Variants in RASAL2 observed in about 807,000 individuals in gnomAD.
RASAL2 encodes the protein RAS protein activator like 2, also known as ras GTPase-activating protein nGAP.
A neutral mutation model predicts 128.9 loss-of-function variants in RASAL2; 58 were observed. That is an observed-to-expected ratio of 0.45 (90% CI 0.36 to 0.56). The LOEUF is 0.56. Ranked by LOEUF, RASAL2 falls within the 20% of genes least tolerant of loss-of-function variation. The pLI is 0.00. For missense variants in RASAL2, 1,360 were observed against 1,601.6 expected, an observed-to-expected ratio of 0.85 and a Z score of 2.57; for synonymous variants, 561 against 580.8, an observed-to-expected ratio of 0.97 and a Z score of 0.49.
Position 178,458,008 on chromosome 1 carries a change from C to T in RASAL2, c.2716C>T (p.Pro906Ser), listed in dbSNP as rs1291649371. ...CCAAAGTGCACCCCAAGTGAGAAGGCCCCTGCACCCAGCCTTGAACCAGCC... is the reference window on the plus strand; with the variant it reads ...CCAAAGTGCACCCCAAGTGAGAAGGTCCCTGCACCCAGCCTTGAACCAGCC... The part of the protein sequence containing the change: ...TPQSAPQVRR[P>S]LHPALNQPGG... The change falls in exon 14 of 18, where the codon CCC becomes TCC. Residue 906 changes from proline (P) to serine (S), a missense_variant. By Grantham distance (74) the Pro-to-Ser change is moderately conservative (BLOSUM62 -1). Coordinates refer to ENST00000367649, the MANE Select transcript of RASAL2 (RefSeq NM_170692.4). 1.9e-6 allele frequency: 3 copies of T among 1,614,048 alleles called. No homozygotes were observed. Among genetic ancestry groups the T allele is most frequent in the East Asian group, 2.2e-5 (1 of 44,884 alleles).
At chr1:178,242,586 C>T (rs989021796) in intron 1 of RASAL2, among the ~76,000 whole-genome samples, 1 of 151,956 alleles carries the variant, frequency 6.6e-6, no homozygotes, top group Non-Finnish European at 1.5e-5. Context: ...GTGTGAGCCA[C>T]CAATGCCTGG....
intron 5 of RASAL2, among the ~76,000 whole-genome samples, chr1:178,437,061 C>G (rs1398752265): frequency 6.6e-6 from 1 of 152,146 alleles, no homozygotes; most frequent in Non-Finnish European, 1.5e-5. Flanking sequence ...TAGCTTCTTG[C>G]TGCCTTCCAG....
intron 16 of RASAL2, among the ~76,000 whole-genome samples, 177 bp from the exon 17 acceptor site, chr1:178,467,157 C>G (rs1026028455): frequency 6.6e-6 from 1 of 152,044 alleles, no homozygotes; most frequent in Admixed American, 6.6e-5. Flanking sequence ...TGTGTGGGAT[C>G]CAGGCACAAG....
At chr1:178,398,263 G>A (rs1298376414) in intron 4 of RASAL2, among the ~76,000 whole-genome samples, 1 of 152,026 alleles carries the variant, frequency 6.6e-6, no homozygotes, top group Non-Finnish European at 1.5e-5. Context: ...TTAGTTTAAA[G>A]AGAAAAAAGC....
At chr1:178,206,118 A>G (rs1413196259) in intron 1 of RASAL2, among the ~76,000 whole-genome samples, 1 of 151,920 alleles carries the variant, frequency 6.6e-6, no homozygotes, top group African/African-American at 2.4e-5. Context: ...TGCTCTGTGT[A>G]CTCTGTCCTC....
intron 1 of RASAL2, among the ~76,000 whole-genome samples, chr1:178,224,466 G>C (rs1474475112): frequency 3.9e-5 from 6 of 152,018 alleles, no homozygotes; most frequent in Non-Finnish European, 5.9e-5. Flanking sequence ...TGTTTCATTG[G>C]GAAGCATATG....
Position 178,144,825 on chromosome 1 carries a change from A to G in RASAL2, c.202+50131A>G, listed in dbSNP as rs972618570. Among the ~76,000 whole-genome samples the G allele has an allele frequency of 2.6e-5, 4 of 152,358 alleles. No homozygotes were observed. In the South Asian group the frequency reaches 6.2e-4, roughly 24 times the overall value. On this transcript the variant is annotated intron_variant, in intron 1 of 17. Transcript: ENST00000367649. ...CTAGGAGATTTGCCCATGGATTTATACATAGCAACTATACACATATATTTT... is the reference window on the plus strand; with the variant it reads ...CTAGGAGATTTGCCCATGGATTTATGCATAGCAACTATACACATATATTTT...
Position 178,386,920 on chromosome 1 carries a change from G to A in RASAL2, c.458-3180G>A, listed in dbSNP as rs575414619. On this transcript the variant is annotated intron_variant, in intron 3 of 17. Coordinates refer to ENST00000367649, the MANE Select transcript of RASAL2 (RefSeq NM_170692.4). ...ATGTAGCTCTTAGAGCATAGTAGCA[G>A]CTTTCCTTTCTGCTTACAGATTTAA... Among the ~76,000 whole-genome samples the A allele has an allele frequency of 2.6e-5, 4 of 152,318 alleles. No homozygotes were observed. The East Asian group carries it at 5.8e-4, about 22-fold the overall frequency.
At chr1:178,415,629 C>A (rs749769468) in intron 4 of RASAL2, among the ~76,000 whole-genome samples, 1 of 152,066 alleles carries the variant, frequency 6.6e-6, no homozygotes, top group Admixed American at 6.6e-5. Flanking sequence ...CACTGATTTT[C>A]TGCCTGCTAG....
intron 5 of RASAL2, among the ~76,000 whole-genome samples, chr1:178,430,697 ATATCT>A (rs1675828869): frequency 3.3e-5 from 5 of 152,106 alleles, no homozygotes; most frequent in South Asian, 4.1e-4. Context: ...TTATCTACAC[ATATCT>A]TAAATGAGAT....
intron 3 of RASAL2, among the ~76,000 whole-genome samples, chr1:178,326,273 A>G (rs1047066493): frequency 1.3e-5 from 2 of 152,200 alleles, no homozygotes; most frequent in African/African-American, 4.8e-5. Flanking sequence ...GGTATATGGT[A>G]TCAGTTCCCA....
intron 1 of RASAL2, among the ~76,000 whole-genome samples, chr1:178,165,582 A>G (rs148677635): frequency 6.6e-6 from 1 of 152,282 alleles, no homozygotes; most frequent in Non-Finnish European, 1.5e-5. Context: ...ATGACTGTAC[A>G]CATACATGTA....
chr1:178,353,970 C>CA (rs35215065), intron 3 of RASAL2, among the ~76,000 whole-genome samples: 21,770 of 144,572 alleles, frequency 0.15, 1,973 homozygotes, highest in African/African-American at 0.27. Context: ...AAACCCTGTC[C>CA]AAAAAAAAAA....
rs944285130 is a variant in RASAL2 at position 178,094,116 on chromosome 1, G to T, written c.-377G>T. 1 of 255,092 alleles carries T rather than the reference G, an allele frequency of 3.9e-6. No individual in the cohort carries two copies. Among genetic ancestry groups the T allele is most frequent in the South Asian group, 6.1e-5 (1 of 16,414 alleles). 15.8% of individuals were successfully genotyped at this position (255,092 alleles called of 1,614,324 possible). Reference sequence around the variant, plus strand: ...TCCATCCCCAGCCAGAGCCTGGTCTGACCGCGAGAGACGCCGGCGGGGCTG... The same window carrying T: ...TCCATCCCCAGCCAGAGCCTGGTCTTACCGCGAGAGACGCCGGCGGGGCTG... On this transcript the variant is annotated 5_prime_UTR_variant, in exon 1 of 18. Coordinates refer to ENST00000367649, the MANE Select transcript of RASAL2 (RefSeq NM_170692.4).
intron 2 of RASAL2, among the ~76,000 whole-genome samples, chr1:178,297,522 G>A (rs368662833): frequency 3.4e-5 from 5 of 148,632 alleles, no homozygotes; most frequent in African/African-American, 9.9e-5. Context: ...CAGGAGAATC[G>A]CTTGAACTTG....
intron 1 of RASAL2, among the ~76,000 whole-genome samples, chr1:178,145,470 G>T (rs1660699632): frequency 1.4e-5 from 2 of 146,046 alleles, no homozygotes; most frequent in South Asian, 4.3e-4. Flanking sequence ...TAGCTGGCTT[G>T]TAGAGAGAGT....
intron 14 of RASAL2, among the ~76,000 whole-genome samples, chr1:178,462,670 A>C (rs1647239106): frequency 6.6e-6 from 1 of 152,106 alleles, no homozygotes; most frequent in African/African-American, 2.4e-5. Flanking sequence ...CTATTTTGTC[A>C]CTTTTATTTT....
intron 1 of RASAL2, among the ~76,000 whole-genome samples, chr1:178,183,659 G>T (rs1375342523): frequency 6.6e-6 from 1 of 152,112 alleles, no homozygotes; most frequent in African/African-American, 2.4e-5. Flanking sequence ...TCTTTGTGTG[G>T]CTTAATATCT....
intron 1 of RASAL2, 129 bp from the exon 2 acceptor site, chr1:178,283,435 A>T: frequency 8.4e-7 from 1 of 1,185,246 alleles, no homozygotes; most frequent in Non-Finnish European, 1.2e-6. Flanking sequence ...AGGAAGCTTT[A>T]AATTTACCAT....
Sources: gnomAD v4.1 joint callset for allele counts (sites outside exome capture counted in the v4.1 genomes callset) on GRCh38, gnomAD v4.1.1 for gene constraint, MANE v1.5 for transcripts, NCBI Gene and HGNC (gene_info 2026-07-23, HGNC 2026-07-21) for gene names.